The following RGL1 variants were observed in gnomAD, a reference collection of about 807,000 sequenced individuals.
RGL1 encodes the protein ral guanine nucleotide dissociation stimulator like 1, also known as ral guanine nucleotide dissociation stimulator-like 1.
A neutral mutation model predicts 95.2 loss-of-function variants in RGL1; 24 were observed. The observed-to-expected ratio is 0.25, with a 90% CI of 0.18 to 0.35. The LOEUF is 0.35. Ranked by LOEUF, RGL1 falls within the 10% of genes least tolerant of loss-of-function variation. The pLI, the probability that RGL1 is intolerant of heterozygous loss-of-function variation, is 1.00. For synonymous variants in RGL1, 329 were observed against 344.9 expected (o/e 0.95, Z 0.51); for missense variants, 715 against 936.3 (o/e 0.76, Z 3.08).
chr1:183,762,250 T>A (rs1658708655), intron 2 of RGL1, among the ~76,000 whole-genome samples: 1 of 152,242 alleles, frequency 6.6e-6, no homozygotes, highest in Non-Finnish European at 1.5e-5. Flanking sequence ...CTAAGTGTAA[T>A]CATTTCTAGG....
intron 2 of RGL1, among the ~76,000 whole-genome samples, chr1:183,812,271 C>G (rs1661774288): frequency 6.6e-6 from 1 of 152,280 alleles, no homozygotes; most frequent in South Asian, 2.1e-4. Flanking sequence ...TTCATTCCAC[C>G]AGAGAAGCTC....
intron 2 of RGL1, among the ~76,000 whole-genome samples, chr1:183,761,543 T>A (rs1658666010): frequency 6.6e-6 from 1 of 152,226 alleles, no homozygotes. Flanking sequence ...TATTGCTCCA[T>A]TTATAGAGCA....
chr1:183,789,524 T>C (rs749771154), intron 2 of RGL1, among the ~76,000 whole-genome samples: 4 of 152,170 alleles, frequency 2.6e-5, no homozygotes, highest in Non-Finnish European at 5.9e-5. Context: ...GCACAGTGTC[T>C]GGTATATAGT....
At chr1:183,664,864 C>T (rs1367596025) in intron 1 of RGL1, among the ~76,000 whole-genome samples, 2 of 150,082 alleles carry the variant, frequency 1.3e-5, no homozygotes, top group African/African-American at 5.0e-5. Flanking sequence ...CCTTTCCAAC[C>T]TGTATACTTT....
At chr1:183,771,554 T>TA (rs1659272703) in intron 2 of RGL1, among the ~76,000 whole-genome samples, 1 of 152,184 alleles carries the variant, frequency 6.6e-6, no homozygotes, top group Non-Finnish European at 1.5e-5. Flanking sequence ...GGTAAGAACT[T>TA]AAACGCTGAA....
At chr1:183,686,763 A>C (rs529922629) in intron 1 of RGL1, among the ~76,000 whole-genome samples, 2 of 152,218 alleles carry the variant, frequency 1.3e-5, no homozygotes, top group East Asian at 3.9e-4. Context: ...TGACTCTCAA[A>C]TTTGTATCTT....
At chr1:183,752,797 A>T (rs892064787) in intron 2 of RGL1, among the ~76,000 whole-genome samples, 1 of 148,122 alleles carries the variant, frequency 6.8e-6, no homozygotes, top group Admixed American at 6.9e-5. Flanking sequence ...TAGTTCTTTG[A>T]GTACATTGGA....
At chr1:183,830,808 G>A (rs1663208561) in intron 2 of RGL1, among the ~76,000 whole-genome samples, 1 of 152,192 alleles carries the variant, frequency 6.6e-6, no homozygotes, top group Admixed American at 6.5e-5. Context: ...CAACTGCTAT[G>A]AAGAGATGGG....
chr1:183,909,176 C>T (rs1668505787), intron 14 of RGL1, among the ~76,000 whole-genome samples: 1 of 152,212 alleles, frequency 6.6e-6, no homozygotes, highest in East Asian at 1.9e-4. Flanking sequence ...ATTTCTTGTA[C>T]ATACAAGGGT....
At chr1:183,777,673 C>T (rs1659669774) in intron 2 of RGL1, among the ~76,000 whole-genome samples, 1 of 152,228 alleles carries the variant, frequency 6.6e-6, no homozygotes, top group Non-Finnish European at 1.5e-5. Context: ...TGCAGAATAA[C>T]ATTATACTCT....
intron 7 of RGL1, among the ~76,000 whole-genome samples, chr1:183,886,442 A>G (rs906309687): frequency 2.0e-5 from 3 of 152,112 alleles, no homozygotes; most frequent in African/African-American, 7.2e-5. Flanking sequence ...TCTCAAAAGC[A>G]GACTGTCTAC....
At chr1:183,671,268 C>T (rs1051543772) in intron 1 of RGL1, among the ~76,000 whole-genome samples, 5 of 144,912 alleles carry the variant, frequency 3.5e-5, no homozygotes, top group East Asian at 2.0e-4. Flanking sequence ...CAAAGCCTAA[C>T]CATATTATGA....
At chr1:183,869,382 C>A in intron 4 of RGL1, among the ~76,000 whole-genome samples, 1 of 152,224 alleles carries the variant, frequency 6.6e-6, no homozygotes. Context: ...ACACAGAACT[C>A]CCCTGAGGGG....
At chr1:183,681,701 C>T (rs143714458) in intron 1 of RGL1, among the ~76,000 whole-genome samples, 1,724 of 152,194 alleles carry the variant, frequency 0.011, 28 homozygotes, top group African/African-American at 0.039. Context: ...AAATGAGTTA[C>T]GGAGGAGTTC....
chr1:183,825,117 G>GT (rs1400718182), intron 2 of RGL1, among the ~76,000 whole-genome samples: 1 of 152,204 alleles, frequency 6.6e-6, no homozygotes, highest in East Asian at 1.9e-4. Flanking sequence ...AAAGAGAACA[G>GT]TGGTATCATT....
intron 2 of RGL1, among the ~76,000 whole-genome samples, chr1:183,762,129 G>A (rs1269302722): frequency 1.3e-5 from 2 of 152,204 alleles, no homozygotes; most frequent in Non-Finnish European, 2.9e-5. Context: ...CACTGGAGTA[G>A]CATTTTAAAT....
At position 183,912,251 on chromosome 1, in the gene RGL1, G is replaced by A. The variant is rs1411158873; in HGVS notation, c.1732G>A (p.Asp578Asn). ...CTCCATTACTCCCATGGACACCCCT[G>A]ATGAGCCTCAAAAAAAGGTATATAC... is the stretch of plus-strand genomic sequence containing the variant. ...EGSITPMDTP[D>N]EPQKKLSESS... Residue 578 changes from aspartate (D) to asparagine (N), a missense_variant, in exon 15 of 18, where the codon GAT becomes AAT. Physicochemically the swap from Asp to Asn is conservative, Grantham distance 23. This residue lies in a region of RGL1 where 330 missense variants were observed against 429.6 expected (regional missense o/e 0.77). Transcript: ENST00000360851. The A allele has an allele frequency of 6.2e-7, 1 of 1,613,772 alleles. No homozygotes were observed. The highest frequency in any genetic ancestry group is 8.5e-7 in the Non-Finnish European group (1 of 1,179,872).
At chr1:183,643,419 G>A (rs1181798550) in intron 1 of RGL1, among the ~76,000 whole-genome samples, 1 of 151,866 alleles carries the variant, frequency 6.6e-6, no homozygotes, top group African/African-American at 2.4e-5. Flanking sequence ...AGCCTCCCAA[G>A]TAGCTGGGAC....
chr1:183,750,754 C>T (rs904455229), intron 2 of RGL1, among the ~76,000 whole-genome samples: 1 of 152,182 alleles, frequency 6.6e-6, no homozygotes, highest in African/African-American at 2.4e-5. Flanking sequence ...GCGTGGGCAT[C>T]CTATTTGTTG....
Sources: allele counts gnomAD v4.1 joint callset (sites outside exome capture counted in the v4.1 genomes callset), GRCh38; gene constraint gnomAD v4.1.1; regional missense constraint gnomAD v4.1.1; transcripts MANE v1.5; gene names NCBI Gene and HGNC (gene_info 2026-07-23, HGNC 2026-07-21).